KDM4B: variants seen among roughly 807,000 people sequenced by gnomAD.
KDM4B encodes the protein lysine demethylase 4B.
Under a neutral mutation model 125.2 loss-of-function variants are expected in KDM4B, and 32 were observed. The observed-to-expected ratio is 0.26, with a 90% CI of 0.19 to 0.34. The LOEUF is 0.34. KDM4B is among the 10% of genes least tolerant of loss of function. The pLI, the probability that KDM4B is intolerant of heterozygous loss-of-function variation, is 1.00. For synonymous variants in KDM4B, 721 were observed against 677.9 expected (o/e 1.06, Z -0.99); for missense variants, 1,190 against 1,577.7 (o/e 0.75, Z 4.16).
chr19:4,974,887 A>G (rs1050688640), intron 1 of KDM4B, among the ~76,000 whole-genome samples: 1 of 151,728 alleles, frequency 6.6e-6, no homozygotes, highest in Non-Finnish European at 1.5e-5. Context: ...TCGCTCTGTC[A>G]TCTGTGGCCT....
At chr19:5,043,765 G>A (rs76030619) in intron 5 of KDM4B, among the ~76,000 whole-genome samples, 26,113 of 110,374 alleles carry the variant, frequency 0.24, 3,408 homozygotes, top group East Asian at 0.62. Context: ...TGTATCCCGC[G>A]TGGTGGTTAT....
At chr19:5,098,028 G>A (rs564888309) in intron 9 of KDM4B, among the ~76,000 whole-genome samples, 121 of 152,362 alleles carry the variant, frequency 7.9e-4, no homozygotes, top group African/African-American at 2.6e-3. Flanking sequence ...CCCACCAGGA[G>A]GGGCTTCAAA....
chr19:4,986,865 G>A lies in KDM4B; in HGVS notation c.-109+17635G>A, dbSNP rs77405758. 6.0e-4 allele frequency among the ~76,000 whole-genome samples: 92 copies of A among 152,384 alleles called. No homozygotes were observed. The East Asian group carries it at 0.016, about 26-fold the overall frequency. Reference sequence around the variant, plus strand: ...AGAGGACTGCAGGGGCACAGAGGCCGGAGCAGCAGTGCCTGCTGCCTAGTC... The same window carrying A: ...AGAGGACTGCAGGGGCACAGAGGCCAGAGCAGCAGTGCCTGCTGCCTAGTC... On this transcript the variant is annotated intron_variant, in intron 1 of 22. Transcript: ENST00000159111.
rs2038138250 is a variant in KDM4B at position 5,077,019 on chromosome 19, C to T, written c.677-348C>T. On this transcript the variant is annotated intron_variant, in intron 7 of 22. Transcript: ENST00000159111. ...TGGGCACCTTGTCACACAAGTAACC[C>T]TGGTCCTTCCCCTGGTGAGGAGGCC... is the stretch of plus-strand genomic sequence containing the variant. 1.0e-5 allele frequency: 3 copies of T among 299,824 alleles called. No individual in the cohort carries two copies. The East Asian group carries it at 2.2e-4, about 22-fold the overall frequency. The allele number at this position is 299,824 out of a possible 1,614,324, so 18.6% of individuals were successfully genotyped here. A position where few individuals can be genotyped will look rare whatever the true frequency, so the allele number is the denominator to read the frequency against.
At chr19:5,062,136 C>G (rs2037621288) in intron 6 of KDM4B, among the ~76,000 whole-genome samples, 1 of 152,228 alleles carries the variant, frequency 6.6e-6, no homozygotes, top group Non-Finnish European at 1.5e-5. Context: ...CCCCTGTAAT[C>G]TCTCCCTCCC....
chr19:5,073,733 A>G (rs1230990798), intron 7 of KDM4B, among the ~76,000 whole-genome samples: 2 of 152,022 alleles, frequency 1.3e-5, no homozygotes, highest in Non-Finnish European at 2.9e-5. Context: ...TTTGGTTTCT[A>G]AGTGTGCAGA....
At chr19:5,109,574 C>A (rs575956084) in intron 9 of KDM4B, among the ~76,000 whole-genome samples, 2 of 152,334 alleles carry the variant, frequency 1.3e-5, no homozygotes, top group East Asian at 3.9e-4. Flanking sequence ...CACAAGGGGC[C>A]ATCCTATTGG....
At chr19:4,994,746 T>C (rs1311874035) in intron 1 of KDM4B, among the ~76,000 whole-genome samples, 1 of 152,206 alleles carries the variant, frequency 6.6e-6, no homozygotes, top group African/African-American at 2.4e-5. Flanking sequence ...TTTCCCTTTT[T>C]GTTTTCTATT....
Position 5,032,775 on chromosome 19 carries a change from T to A in KDM4B, c.-25-91T>A, listed in dbSNP as rs1274700944. ...CTTTGTCCTCCTGGTGGCCACGGTA[T>A]TTTTAGCACGCTCCGTTCTGAGGGA... On this transcript the variant is annotated intron_variant, in intron 2 of 22. Transcript: ENST00000159111. 2.3e-6 allele frequency: 3 copies of A among 1,282,934 alleles called. No homozygotes were observed. The African/African-American group carries it at 4.5e-5, about 19-fold the overall frequency. The allele number at this position is 1,282,934 out of a possible 1,614,324, so 79.5% of individuals were successfully genotyped here. A position where few individuals can be genotyped will look rare whatever the true frequency, so the allele number is the denominator to read the frequency against.
In KDM4B at chr19:5,134,012, G is replaced by T. The variant is rs757620888; in HGVS notation, c.2036G>T (p.Arg679Leu). Residue 679 changes from arginine to leucine, a missense_variant, in exon 14 of 23, where the codon CGC becomes CTC. Arg to Leu is a moderately radical substitution (Grantham distance 102). Coordinates refer to ENST00000159111, the MANE Select transcript of KDM4B (RefSeq NM_015015.3). ...AGGAAGTTCAACGCAGCGGCTGCGC[G>T]CACGGAGCCCTACTGCGCCATCTGC... Reference protein sequence around the residue: ...AERKFNAAAARTEPYCAICTL... With the variant: ...AERKFNAAAALTEPYCAICTL... 8.7e-6 allele frequency: 14 copies of T among 1,610,784 alleles called. No homozygotes were observed. The highest frequency in any genetic ancestry group is 1.1e-5 in the Non-Finnish European group (13 of 1,179,690).
rs995327164 is a variant in KDM4B at position 5,139,325 on chromosome 19, T to TTGTG, written c.2550+1257_2550+1260dup. 3.7e-4 allele frequency among the ~76,000 whole-genome samples: 56 copies of TTGTG among 152,232 alleles called. 1 individual carries two copies. The highest frequency in any genetic ancestry group is 1.3e-3 in the African/African-American group (55 of 41,532). On this transcript the variant is annotated intron_variant, in intron 18 of 22. Transcript: ENST00000159111. The stretch of plus-strand genomic sequence containing the variant: ...TGTGCCACCATGTGGATGGACGACG[T>TTGTG]TGTGTTGATCCGGGCACCCGCCGAT...
rs60362583 is a variant in KDM4B at position 5,022,749 on chromosome 19, CTG to C, written c.-26+6413_-26+6414del. On this transcript the variant is annotated intron_variant, in intron 2 of 22. Coordinates refer to ENST00000159111, the MANE Select transcript of KDM4B (RefSeq NM_015015.3). The stretch of plus-strand genomic sequence containing the variant: ...ACTCCCTTGTCTGATTTTCTGGAAA[CTG>C]TGCTCCTGTCTGAGTGAGCGCAGGC... Among the ~76,000 whole-genome samples, 183 of 152,210 alleles carry C rather than the reference CTG, an allele frequency of 1.2e-3. 1 individual carries two copies. Among genetic ancestry groups the C allele is most frequent in the East Asian group, 7.9e-3 (41 of 5,172 alleles).
At chr19:5,077,051 T>C (rs1197378179) in intron 7 of KDM4B, 2 of 354,868 alleles carry the variant, frequency 5.6e-6, no homozygotes, top group East Asian at 1.1e-4. Context: ...GGCCCTTGGC[T>C]GCCCCTGCTG....
intron 21 of KDM4B, among the ~76,000 whole-genome samples, chr19:5,149,990 C>G (rs2039917851): frequency 6.6e-6 from 1 of 152,198 alleles, no homozygotes; most frequent in African/African-American, 2.4e-5. Flanking sequence ...CTGCCTGGCT[C>G]TGTGTCCACC....
At chr19:5,117,494 G>A (rs2039279757) in intron 10 of KDM4B, among the ~76,000 whole-genome samples, 3 of 152,136 alleles carry the variant, frequency 2.0e-5, no homozygotes, top group Non-Finnish European at 4.4e-5. Context: ...CAGACCAGGA[G>A]GGCAGCCCAC....
Position 5,031,404 on chromosome 19 carries a change from A to G in KDM4B, c.-25-1462A>G, listed in dbSNP as rs558485417. ...GGCTGCACGTGGTCACGTGCCGTGCACGGTGCACTTGGGGCCTCCTGTGCA... is the reference window on the plus strand; with the variant it reads ...GGCTGCACGTGGTCACGTGCCGTGCGCGGTGCACTTGGGGCCTCCTGTGCA... On this transcript the variant is annotated intron_variant, in intron 2 of 22. Coordinates refer to ENST00000159111, the MANE Select transcript of KDM4B (RefSeq NM_015015.3). 6.6e-5 allele frequency among the ~76,000 whole-genome samples: 10 copies of G among 152,352 alleles called. No individual in the cohort carries two copies. The East Asian group carries it at 1.9e-3, about 29-fold the overall frequency.
intron 10 of KDM4B, among the ~76,000 whole-genome samples, chr19:5,116,065 A>G (rs912004304): frequency 6.6e-6 from 1 of 152,056 alleles, no homozygotes; most frequent in African/African-American, 2.4e-5. Context: ...GATTAAACAA[A>G]GGCCCTGAAA....
chr19:5,127,710 C>T (rs2039472645), intron 11 of KDM4B, among the ~76,000 whole-genome samples: 1 of 152,170 alleles, frequency 6.6e-6, no homozygotes, highest in African/African-American at 2.4e-5. Context: ...CCATCCCTGT[C>T]CTTGGAGGAG....
intron 2 of KDM4B, among the ~76,000 whole-genome samples, chr19:5,025,426 C>A (rs963587759): frequency 6.6e-6 from 1 of 152,258 alleles, no homozygotes; most frequent in Non-Finnish European, 1.5e-5. Flanking sequence ...AACTGTGTAT[C>A]TAACTGAGTG....
Sources: allele counts gnomAD v4.1 joint callset (sites outside exome capture counted in the v4.1 genomes callset), GRCh38; gene constraint gnomAD v4.1.1; transcripts MANE v1.5; gene names NCBI Gene and HGNC (gene_info 2026-07-23, HGNC 2026-07-21).